Variants in SLIT2 observed in about 807,000 individuals in gnomAD.
SLIT2 encodes slit homolog 2 protein.
A neutral mutation model predicts 185.7 loss-of-function variants in SLIT2; 41 were observed. That is an observed-to-expected ratio of 0.22 (90% CI 0.17 to 0.29). The LOEUF (loss-of-function observed/expected upper bound fraction) is 0.29, where lower values mean the gene tolerates loss of function less well. Ranked by LOEUF, SLIT2 falls within the 10% of genes least tolerant of loss-of-function variation. The pLI, the probability that SLIT2 is intolerant of heterozygous loss-of-function variation, is 1.00. For missense variants in SLIT2, 1,571 were observed against 1,909.0 expected, an observed-to-expected ratio of 0.82 and a Z score of 3.30; for synonymous variants, 693 against 680.2, an observed-to-expected ratio of 1.02 and a Z score of -0.29.
intron 4 of SLIT2, among the ~76,000 whole-genome samples, chr4:20,309,593 T>C (rs146456060): frequency 1.1e-4 from 17 of 152,156 alleles, no homozygotes; most frequent in African/African-American, 4.1e-4. Flanking sequence ...ATCCTATTTC[T>C]CTCCTCTCTC....
At chr4:20,449,181 A>C (rs1370515697) in intron 4 of SLIT2, among the ~76,000 whole-genome samples, 1 of 152,160 alleles carries the variant, frequency 6.6e-6, no homozygotes, top group Non-Finnish European at 1.5e-5. Context: ...TGAAAAGAGT[A>C]ATAGTTATAT....
At chr4:20,504,222 A>T (rs2148817033) in intron 9 of SLIT2, among the ~76,000 whole-genome samples, 1 of 152,288 alleles carries the variant, frequency 6.6e-6, no homozygotes. Flanking sequence ...CTTACCTATG[A>T]GGAGAATGTG....
chr4:20,552,432 A>G (rs1420582892), intron 25 of SLIT2: 1 of 150,294 alleles, frequency 6.7e-6, no homozygotes, highest in Non-Finnish European at 1.5e-5. Context: ...TTTAAGTTCT[A>G]GTGTACATGT....
intron 9 of SLIT2, among the ~76,000 whole-genome samples, chr4:20,500,637 A>T (rs916076354): frequency 2.6e-5 from 4 of 152,278 alleles, no homozygotes; most frequent in Admixed American, 6.5e-5. Flanking sequence ...CAAAAATGTT[A>T]AATTATTTAT....
intron 4 of SLIT2, among the ~76,000 whole-genome samples, chr4:20,467,182 C>T (rs1363854679): frequency 6.6e-6 from 1 of 151,982 alleles, no homozygotes; most frequent in African/African-American, 2.4e-5. Flanking sequence ...TTATGTAAAC[C>T]TGCTATTAAT....
At chr4:20,402,714 T>C (rs910255001) in intron 4 of SLIT2, among the ~76,000 whole-genome samples, 4 of 151,872 alleles carry the variant, frequency 2.6e-5, no homozygotes, top group Admixed American at 2.0e-4. Context: ...GCCTCGAGTA[T>C]TTAAATGTGG....
At chr4:20,375,171 T>C (rs1182967803) in intron 4 of SLIT2, among the ~76,000 whole-genome samples, 1 of 152,114 alleles carries the variant, frequency 6.6e-6, no homozygotes, top group Non-Finnish European at 1.5e-5. Flanking sequence ...TTGGTTATTA[T>C]GTTTTTAATG....
At chr4:20,267,156 A>G (rs572565954) in intron 3 of SLIT2, among the ~76,000 whole-genome samples, 35 of 152,118 alleles carry the variant, frequency 2.3e-4, no homozygotes, top group African/African-American at 7.2e-4. Flanking sequence ...CAAAGTAACA[A>G]TCTGCATTTC....
At chr4:20,502,493 A>G (rs1432352163) in intron 9 of SLIT2, among the ~76,000 whole-genome samples, 2 of 152,246 alleles carry the variant, frequency 1.3e-5, no homozygotes, top group African/African-American at 2.4e-5. Flanking sequence ...TTACACAAAC[A>G]GAATTTTAAA....
chr4:20,326,746 C>CCT (rs772772095), intron 4 of SLIT2, among the ~76,000 whole-genome samples: 1 of 54,726 alleles, frequency 1.8e-5, no homozygotes. Context: ...ATTCTGAAAC[C>CCT]TTTTTTTTTT....
intron 30 of SLIT2, among the ~76,000 whole-genome samples, chr4:20,595,253 A>C (rs559145185): frequency 6.6e-5 from 10 of 152,334 alleles, no homozygotes; most frequent in African/African-American, 2.4e-4. Flanking sequence ...AAAATTAAAA[A>C]TGTTAATCTT....
intron 34 of SLIT2, among the ~76,000 whole-genome samples, chr4:20,612,306 C>G (rs1052511529): frequency 5.4e-4 from 80 of 149,380 alleles, no homozygotes; most frequent in Non-Finnish European, 1.0e-3. Flanking sequence ...TCCCCCGCCC[C>G]CCGCCAAAAA....
At chr4:20,288,391 T>C (rs572162561) in intron 4 of SLIT2, among the ~76,000 whole-genome samples, 3 of 152,340 alleles carry the variant, frequency 2.0e-5, no homozygotes, top group African/African-American at 4.8e-5. Context: ...TCAATAAATA[T>C]TCACTGTGAT....
rs187129360 is a variant in SLIT2, at chr4:20,346,905, C to G, written c.395+78024C>G. Among the ~76,000 whole-genome samples, 218 of 152,276 alleles carry G rather than the reference C, an allele frequency of 1.4e-3. 1 individual carries two copies. The highest frequency in any genetic ancestry group is 5.0e-3 in the African/African-American group (206 of 41,554). On this transcript the variant is annotated intron_variant, in intron 4 of 36. Coordinates refer to ENST00000504154, the MANE Select transcript of SLIT2 (RefSeq NM_004787.4). ...GTTCTTCTGCTGCTTTTATCCTAGC[C>G]AAGCTGGCCCCTGATTAGATGGTAC...
chr4:20,343,467 A>G (rs1721127436), intron 4 of SLIT2, among the ~76,000 whole-genome samples: 1 of 151,944 alleles, frequency 6.6e-6, no homozygotes, highest in African/African-American at 2.4e-5. Flanking sequence ...ATCCTTTCAT[A>G]ACCCTGTATT....
chr4:20,428,167 T>C (rs530932092), intron 4 of SLIT2, among the ~76,000 whole-genome samples: 1 of 152,356 alleles, frequency 6.6e-6, no homozygotes, highest in East Asian at 1.9e-4. Context: ...AATTTTAGTA[T>C]GTGTTTTTAA....
At chr4:20,409,429 C>A (rs1394409023) in intron 4 of SLIT2, among the ~76,000 whole-genome samples, 1 of 152,186 alleles carries the variant, frequency 6.6e-6, no homozygotes, top group Non-Finnish European at 1.5e-5. Context: ...GCATAGTATT[C>A]CATGGTGTAT....
At position 20,528,945 on chromosome 4, in the gene SLIT2, A is replaced by G. The variant is rs1721542260; in HGVS notation, c.1463-4A>G. ...ATCTTTTTTTTGGTTTGAATTCTCA[A>G]TAGGTACAGAAGATTATCGATCAAA... is the stretch of plus-strand genomic sequence containing the variant. On this transcript the variant is annotated splice_region_variant and splice_polypyrimidine_tract_variant and intron_variant, in intron 15 of 36. Transcript: ENST00000504154. The surrounding 1 kb of genome is among the most constrained non-coding windows in gnomAD (Gnocchi z 4.2). 3 of 1,609,450 alleles carry G rather than the reference A, an allele frequency of 1.9e-6. No homozygotes were observed. Among genetic ancestry groups the G allele is most frequent in the Non-Finnish European group, 2.5e-6 (3 of 1,177,672 alleles).
At chr4:20,472,246 CTA>C (rs546128488) in intron 5 of SLIT2, among the ~76,000 whole-genome samples, 842 of 39,658 alleles carry the variant, frequency 0.021, 81 homozygotes, top group African/African-American at 0.041. Context: ...ATCTATATAT[CTA>C]TATATAGATC....
Sources: allele counts gnomAD v4.1 joint callset (sites outside exome capture counted in the v4.1 genomes callset), GRCh38; gene constraint gnomAD v4.1.1; non-coding constraint Gnocchi (gnomAD v3.1); transcripts MANE v1.5; gene names NCBI Gene and HGNC (gene_info 2026-07-23, HGNC 2026-07-21).